Variants in CRK observed in about 807,000 individuals in gnomAD.
CRK encodes the protein CRK proto-oncogene, adaptor protein.
CRK carries 4 observed loss-of-function variants against 29.8 expected under a neutral mutation model. The ratio of observed to expected loss-of-function variants is 0.13; its 90% CI spans 0.07 to 0.31. CRK has a LOEUF of 0.31. CRK is among the 10% of genes least tolerant of loss of function. The pLI is 1.00. For missense variants in CRK, 274 were observed against 396.5 expected (o/e 0.69, Z 2.62); for synonymous variants, 153 against 164.9 (o/e 0.93, Z 0.55).
At chr17:1,429,444 T>C (rs1020128674) in intron 2 of CRK, among the ~76,000 whole-genome samples, 6 of 151,976 alleles carry the variant, frequency 3.9e-5, no homozygotes, top group Non-Finnish European at 7.4e-5. Context: ...CAGTTAATTT[T>C]TGTATTTTTA....
chr17:1,454,422 C>T (rs1042451752), intron 1 of CRK, among the ~76,000 whole-genome samples: 4 of 152,060 alleles, frequency 2.6e-5, no homozygotes, highest in Non-Finnish European at 5.9e-5. Flanking sequence ...TGCCTGTAAT[C>T]CCAGCTACTT....
At chr17:1,451,262 G>A (rs373878388) in intron 1 of CRK, among the ~76,000 whole-genome samples, 76 of 149,184 alleles carry the variant, frequency 5.1e-4, no homozygotes, top group African/African-American at 1.8e-3. Context: ...GATAGCAGAT[G>A]TGTATTGTCT....
chr17:1,448,710 T>A (rs1310925662), intron 1 of CRK, among the ~76,000 whole-genome samples: 1 of 150,074 alleles, frequency 6.7e-6, no homozygotes, highest in Non-Finnish European at 1.5e-5. Context: ...CCTTCAGCAA[T>A]TTTCAATTCA....
intron 1 of CRK, among the ~76,000 whole-genome samples, chr17:1,440,446 G>A (rs924793364): frequency 6.6e-6 from 1 of 151,740 alleles, no homozygotes; most frequent in Non-Finnish European, 1.5e-5. Context: ...CTGGGGGACC[G>A]AGCAAGACCT....
At chr17:1,444,597 G>A (rs2073959452) in intron 1 of CRK, among the ~76,000 whole-genome samples, 1 of 110,486 alleles carries the variant, frequency 9.1e-6, no homozygotes, top group Non-Finnish European at 1.6e-5. Context: ...AGCCGAAGCG[G>A]GGGGGGGGAT....
chr17:1,454,010 G>A (rs1464250655), intron 1 of CRK, among the ~76,000 whole-genome samples: 2 of 152,002 alleles, frequency 1.3e-5, no homozygotes, highest in Admixed American at 1.3e-4. Context: ...AGACCAATCT[G>A]GCCAACCTGG....
intron 2 of CRK, among the ~76,000 whole-genome samples, chr17:1,431,545 C>T (rs757432857): frequency 2.3e-4 from 35 of 151,964 alleles, no homozygotes; most frequent in East Asian, 1.9e-4. Flanking sequence ...CACAGTGAAA[C>T]CCCATCTCTA....
chr17:1,444,807 T>G (rs1431355376), intron 1 of CRK, among the ~76,000 whole-genome samples: 1 of 139,100 alleles, frequency 7.2e-6, no homozygotes, highest in Admixed American at 7.7e-5. Flanking sequence ...CACTCCAGCC[T>G]GGGCAACAAG....
At chr17:1,451,847 C>CG (rs1386029655) in intron 1 of CRK, among the ~76,000 whole-genome samples, 497 of 151,980 alleles carry the variant, frequency 3.3e-3, no homozygotes, top group Non-Finnish European at 5.5e-3. Flanking sequence ...TAGCTGGGCA[C>CG]AGTGGCACAT....
Position 1,454,237 on chromosome 17 carries a change from T to G in CRK, c.241+1640A>C, listed in dbSNP as rs551293676. On this transcript the variant is annotated intron_variant, in intron 1 of 2. Coordinates refer to ENST00000300574, the MANE Select transcript of CRK (RefSeq NM_016823.4). ...TAAGTAAGAAATAAATAAGAAAAATTTTAAAAAAATTAGTATGTGTTGGCC... is the reference window on the plus strand; with the variant it reads ...TAAGTAAGAAATAAATAAGAAAAATGTTAAAAAAATTAGTATGTGTTGGCC... Among the ~76,000 whole-genome samples the G allele has an allele frequency of 3.4e-3, 506 of 150,318 alleles. 5 individuals carry two copies. Among genetic ancestry groups the G allele is most frequent in the African/African-American group, 0.012 (475 of 40,854 alleles).
At chr17:1,425,429 C>G (rs1245984998) in intron 2 of CRK, among the ~76,000 whole-genome samples, 1 of 152,124 alleles carries the variant, frequency 6.6e-6, no homozygotes, top group African/African-American at 2.4e-5. Context: ...GGGTCTCACT[C>G]TGTCACTCAG....
chr17:1,447,912 C>T (rs148403938), intron 1 of CRK, among the ~76,000 whole-genome samples: 55 of 152,218 alleles, frequency 3.6e-4, no homozygotes, highest in African/African-American at 1.2e-3. Flanking sequence ...CCACCACACC[C>T]GGCCCTCTTT....
intron 1 of CRK, among the ~76,000 whole-genome samples, chr17:1,446,334 G>A (rs893440462): frequency 2.0e-5 from 3 of 152,050 alleles, no homozygotes; most frequent in African/African-American, 7.2e-5. Flanking sequence ...GAGCAACTAC[G>A]ACCATCTGTG....
intron 1 of CRK, among the ~76,000 whole-genome samples, chr17:1,448,296 T>A (rs1021373770): frequency 6.6e-6 from 1 of 151,936 alleles, no homozygotes; most frequent in Admixed American, 6.6e-5. Flanking sequence ...CTCTGCAAAA[T>A]GGGGTCAAAT....
intron 2 of CRK, among the ~76,000 whole-genome samples, chr17:1,425,625 G>A (rs1384581375): frequency 6.6e-6 from 1 of 152,326 alleles, no homozygotes. Flanking sequence ...TTCAAATTAT[G>A]CATCTGGGCT....
intron 1 of CRK, among the ~76,000 whole-genome samples, chr17:1,450,215 T>C (rs910830763): frequency 6.8e-6 from 1 of 147,648 alleles, no homozygotes; most frequent in Admixed American, 6.7e-5. Flanking sequence ...AAAACATAAA[T>C]AAAGTTTAAA....
intron 1 of CRK, among the ~76,000 whole-genome samples, chr17:1,440,096 A>C (rs949148801): frequency 6.6e-6 from 1 of 151,014 alleles, no homozygotes; most frequent in South Asian, 2.1e-4. Flanking sequence ...TCAGGAGATC[A>C]AGACCATCCT....
chr17:1,428,590 C>T (rs745321225), intron 2 of CRK, among the ~76,000 whole-genome samples: 1 of 128,682 alleles, frequency 7.8e-6, no homozygotes, highest in Non-Finnish European at 1.6e-5. Flanking sequence ...GTGGCATGAT[C>T]TCAGCTCACT....
intron 2 of CRK, among the ~76,000 whole-genome samples, chr17:1,431,337 A>C (rs1030940609): frequency 6.6e-6 from 1 of 152,178 alleles, no homozygotes; most frequent in Non-Finnish European, 1.5e-5. Flanking sequence ...CAGTAAATGC[A>C]GTTCTTCCTC....
Sources: gnomAD v4.1 joint callset for allele counts (sites outside exome capture counted in the v4.1 genomes callset) on GRCh38, gnomAD v4.1.1 for gene constraint, MANE v1.5 for transcripts, NCBI Gene and HGNC (gene_info 2026-07-23, HGNC 2026-07-21) for gene names.